The following AMPH variants were observed in gnomAD, a reference collection of about 807,000 sequenced individuals.
AMPH encodes the protein amphiphysin.
AMPH carries 49 observed loss-of-function variants against 99.1 expected under a neutral mutation model. The ratio of observed to expected loss-of-function variants is 0.49; its 90% CI spans 0.39 to 0.63. The LOEUF (loss-of-function observed/expected upper bound fraction) is 0.63, where lower values mean the gene tolerates loss of function less well. Among genes scored for constraint, AMPH ranks in the 20% least tolerant of loss-of-function variants. AMPH has a pLI of 0.00. For synonymous variants in AMPH, 314 were observed against 317.3 expected (o/e 0.99, Z 0.11); for missense variants, 759 against 863.4 (o/e 0.88, Z 1.52).
intron 11 of AMPH, among the ~76,000 whole-genome samples, chr7:38,445,915 T>C (rs1786761312): frequency 6.7e-6 from 1 of 148,676 alleles, no homozygotes; most frequent in Non-Finnish European, 1.5e-5. Context: ...AGAGATCTGG[T>C]TGTTTAAAAG....
At chr7:38,465,861 C>G (rs1039765989) in intron 8 of AMPH, among the ~76,000 whole-genome samples, 1 of 152,186 alleles carries the variant, frequency 6.6e-6, no homozygotes. Flanking sequence ...CAATCAACAA[C>G]AGAGTTGATT....
Position 38,493,498 on chromosome 7 carries a change from G to C in AMPH, c.300+935C>G, listed in dbSNP as rs147979087. 3.3e-5 allele frequency among the ~76,000 whole-genome samples: 5 copies of C among 152,150 alleles called. No homozygotes were observed. The East Asian group carries it at 9.7e-4, about 29-fold the overall frequency. On this transcript the variant is annotated intron_variant, in intron 4 of 20. Coordinates refer to ENST00000356264, the MANE Select transcript of AMPH (RefSeq NM_001635.4). ...AGATGAGGAAACTAAAGCCTAAGAA[G>C]ATCAAAGAACTGGTCCAACGTCACA...
chr7:38,525,185 A>G (rs922890825), intron 2 of AMPH, among the ~76,000 whole-genome samples: 8 of 149,940 alleles, frequency 5.3e-5, no homozygotes, highest in African/African-American at 1.7e-4. Context: ...TTGTGTATAT[A>G]TATACACAAT....
At chr7:38,627,226 A>G (rs1794283372) in intron 1 of AMPH, among the ~76,000 whole-genome samples, 1 of 151,860 alleles carries the variant, frequency 6.6e-6, no homozygotes. Context: ...GGCCACTGAG[A>G]GTTATACCAA....
intron 2 of AMPH, among the ~76,000 whole-genome samples, chr7:38,519,628 A>G (rs1789877513): frequency 6.6e-6 from 1 of 152,216 alleles, no homozygotes; most frequent in Non-Finnish European, 1.5e-5. Flanking sequence ...TTCTTAGAAG[A>G]CTGAAACAAC....
At chr7:38,473,769 CAAAAAAGTAATATCTGTATTTTTTA>C (rs1349403153) in intron 7 of AMPH, among the ~76,000 whole-genome samples, 1 of 92,530 alleles carries the variant, frequency 1.1e-5, no homozygotes, top group Non-Finnish European at 2.5e-5. Flanking sequence ...AATGTAAGAG[CAAAAAAGTAATATCTGTATTTTTTA>C]AAAAAAAGCC....
At chr7:38,548,097 C>A (rs938060699) in intron 1 of AMPH, among the ~76,000 whole-genome samples, 2 of 150,424 alleles carry the variant, frequency 1.3e-5, no homozygotes, top group Non-Finnish European at 2.9e-5. Flanking sequence ...GGTGCGATCT[C>A]CGCTCACGGC....
intron 1 of AMPH, among the ~76,000 whole-genome samples, chr7:38,615,283 T>C (rs999840643): frequency 6.6e-6 from 1 of 152,156 alleles, no homozygotes; most frequent in African/African-American, 2.4e-5. Context: ...TGAGTTAATA[T>C]ATGGGACTGC....
At chr7:38,419,045 C>A (rs1440184272) in intron 16 of AMPH, among the ~76,000 whole-genome samples, 1 of 151,756 alleles carries the variant, frequency 6.6e-6, no homozygotes, top group Non-Finnish European at 1.5e-5. Flanking sequence ...CATTAGAGGG[C>A]TCATAAGATC....
At chr7:38,517,837 T>G (rs1464348540) in intron 2 of AMPH, among the ~76,000 whole-genome samples, 1 of 152,184 alleles carries the variant, frequency 6.6e-6, no homozygotes, top group Non-Finnish European at 1.5e-5. Context: ...TGATCCTTTG[T>G]TAAAGAGATT....
chr7:38,575,138 G>C (rs934707897), intron 1 of AMPH, among the ~76,000 whole-genome samples: 2 of 150,376 alleles, frequency 1.3e-5, no homozygotes, highest in African/African-American at 4.9e-5. Context: ...CAAGTTTCCT[G>C]TTGCATCTTT....
chr7:38,568,396 T>C (rs1011782692), intron 1 of AMPH, among the ~76,000 whole-genome samples: 29 of 152,016 alleles, frequency 1.9e-4, no homozygotes, highest in Non-Finnish European at 2.2e-4. Context: ...ACCTGGGAGG[T>C]GGAGGTTGCA....
At chr7:38,573,857 C>T (rs1320917789) in intron 1 of AMPH, among the ~76,000 whole-genome samples, 1 of 152,158 alleles carries the variant, frequency 6.6e-6, no homozygotes, top group East Asian at 1.9e-4. Context: ...TAAATAGTAA[C>T]TAATGTAGTA....
rs1784301663 is a variant in AMPH at position 38,384,644 on chromosome 7, CT to C, written c.*173del. On this transcript the variant is annotated 3_prime_UTR_variant, in exon 21 of 21. Transcript: ENST00000356264. The stretch of plus-strand genomic sequence containing the variant: ...GAGTGAGGATTTTTTCCTTAATTTA[CT>C]TTTTTTCCTCTTACATTTTTTTGCA... 12 of 535,566 alleles carry C rather than the reference CT, an allele frequency of 2.2e-5. No individual in the cohort carries two copies. The highest frequency in any genetic ancestry group is 3.2e-5 in the South Asian group (1 of 31,668). 33.2% of individuals were successfully genotyped at this position (535,566 alleles called of 1,614,324 possible). A position where few individuals can be genotyped will look rare whatever the true frequency, so the allele number is the denominator to read the frequency against.
chr7:38,547,371 C>T (rs912303582), intron 1 of AMPH, among the ~76,000 whole-genome samples: 8 of 152,184 alleles, frequency 5.3e-5, no homozygotes, highest in South Asian at 2.1e-4. Flanking sequence ...CATCACTGTG[C>T]GTTACGGTGT....
intron 4 of AMPH, among the ~76,000 whole-genome samples, chr7:38,492,915 T>C (rs992727802): frequency 2.6e-5 from 4 of 152,180 alleles, no homozygotes; most frequent in African/African-American, 9.7e-5. Context: ...TTTAGCAACA[T>C]GATGTTGAAA....
intron 1 of AMPH, among the ~76,000 whole-genome samples, chr7:38,566,538 T>C (rs28564242): frequency 0.12 from 18,676 of 152,108 alleles, 1,584 homozygotes; most frequent in Admixed American, 0.24. Flanking sequence ...AAAGCCAAAA[T>C]AGACAAATGG....
intron 1 of AMPH, among the ~76,000 whole-genome samples, chr7:38,552,171 T>C (rs1339418991): frequency 6.6e-6 from 1 of 152,210 alleles, no homozygotes. Context: ...GAGAACCCTT[T>C]TGTCAAAAAT....
intron 3 of AMPH, among the ~76,000 whole-genome samples, 153 bp downstream of exon 3, chr7:38,503,497 G>GA (rs200372787): frequency 7.7e-6 from 1 of 129,372 alleles, no homozygotes; most frequent in Non-Finnish European, 1.7e-5. Context: ...ATTTGGGGCG[G>GA]GGGGGTGGGT....
Sources: allele counts gnomAD v4.1 joint callset (sites outside exome capture counted in the v4.1 genomes callset), GRCh38; gene constraint gnomAD v4.1.1; transcripts MANE v1.5; gene names NCBI Gene and HGNC (gene_info 2026-07-23, HGNC 2026-07-21).